The following HPSE2 variants were observed in gnomAD, a reference collection of about 807,000 sequenced individuals.
HPSE2 encodes inactive heparanase-2.
Under a neutral mutation model 60.5 loss-of-function variants are expected in HPSE2, and 38 were observed. That is an observed-to-expected ratio of 0.63 (90% confidence interval 0.48 to 0.82). HPSE2 has a LOEUF of 0.82. Ranked by LOEUF, HPSE2 falls within the 40% of genes least tolerant of loss-of-function variation. The pLI, the probability that HPSE2 is intolerant of heterozygous loss-of-function variation, is 0.00. For missense variants in HPSE2, 713 were observed against 740.4 expected (o/e 0.96, Z 0.43); for synonymous variants, 295 against 293.2 (o/e 1.01, Z -0.06).
intron 9 of HPSE2, among the ~76,000 whole-genome samples, chr10:98,529,385 T>C (rs1943067046): frequency 6.6e-6 from 1 of 152,238 alleles, no homozygotes; most frequent in Non-Finnish European, 1.5e-5. Flanking sequence ...CCAGTCATTC[T>C]ATTTCTAGGT....
the HPSE2 span, among the ~76,000 whole-genome samples, chr10:99,299,613 A>G: frequency 6.6e-6 from 1 of 152,168 alleles, no homozygotes; most frequent in African/African-American, 2.4e-5. Flanking sequence ...AGGCCATGCC[A>G]TGTATCGTGT....
the HPSE2 span, among the ~76,000 whole-genome samples, chr10:99,311,705 A>C: frequency 6.6e-6 from 1 of 152,224 alleles, no homozygotes; most frequent in Admixed American, 6.5e-5. Context: ...ACGGCCTCTA[A>C]GTGTTCAAAT....
At chr10:99,196,697 A>G (rs1848411043) in intron 2 of HPSE2, among the ~76,000 whole-genome samples, 1 of 152,196 alleles carries the variant, frequency 6.6e-6, no homozygotes, top group East Asian at 1.9e-4. Flanking sequence ...GCTTACATCC[A>G]AAAGACAGGC....
intron 3 of HPSE2, among the ~76,000 whole-genome samples, chr10:99,008,244 A>G (rs1956935076): frequency 6.6e-6 from 1 of 152,246 alleles, no homozygotes; most frequent in African/African-American, 2.4e-5. Flanking sequence ...TCTGTGCCCC[A>G]GCATGAGTCA....
At chr10:99,076,264 T>G (rs1842948441) in intron 3 of HPSE2, among the ~76,000 whole-genome samples, 1 of 152,190 alleles carries the variant, frequency 6.6e-6, no homozygotes, top group Non-Finnish European at 1.5e-5. Context: ...ATCTTATAGT[T>G]ACAATAATCT....
chr10:99,302,526 G>A, the HPSE2 span, among the ~76,000 whole-genome samples: 6 of 152,082 alleles, frequency 3.9e-5, no homozygotes, highest in African/African-American at 1.4e-4. Context: ...ACTAATGCCA[G>A]GTACTCCACC....
At chr10:99,178,297 G>A (rs1050417600) in intron 2 of HPSE2, among the ~76,000 whole-genome samples, 43 of 151,360 alleles carry the variant, frequency 2.8e-4, no homozygotes, top group Non-Finnish European at 3.2e-4. Context: ...ATAGAGACAC[G>A]AAAAATGCTT....
intron 6 of HPSE2, among the ~76,000 whole-genome samples, chr10:98,683,548 G>T (rs1321182658): frequency 6.6e-6 from 1 of 151,698 alleles, no homozygotes; most frequent in Non-Finnish European, 1.5e-5. Flanking sequence ...GACATTTTGA[G>T]GAATAAAAAA....
intron 3 of HPSE2, among the ~76,000 whole-genome samples, chr10:99,037,134 G>A (rs995255465): frequency 2.0e-5 from 3 of 152,050 alleles, no homozygotes; most frequent in Admixed American, 1.3e-4. Context: ...ATTGAGGGAC[G>A]TTCCTTGGCT....
At chr10:99,200,170 A>AT (rs1848528334) in intron 2 of HPSE2, among the ~76,000 whole-genome samples, 1 of 151,678 alleles carries the variant, frequency 6.6e-6, no homozygotes, top group Admixed American at 6.6e-5. Flanking sequence ...AAAATGGTAA[A>AT]TTTTATATTA....
At chr10:99,053,705 CAG>C (rs1483248367) in intron 3 of HPSE2, among the ~76,000 whole-genome samples, 4 of 135,324 alleles carry the variant, frequency 3.0e-5, no homozygotes, top group Admixed American at 7.8e-5. Flanking sequence ...GAATTAAGTA[CAG>C]AGAGTTACAG....
intron 9 of HPSE2, among the ~76,000 whole-genome samples, chr10:98,576,910 A>C (rs1705092420): frequency 6.6e-6 from 1 of 152,086 alleles, no homozygotes; most frequent in Admixed American, 6.6e-5. Context: ...AAAAAATGCC[A>C]AAAAGCTTAT....
intron 3 of HPSE2, among the ~76,000 whole-genome samples, chr10:98,889,599 A>T (rs1953275541): frequency 6.6e-6 from 1 of 152,220 alleles, no homozygotes; most frequent in Admixed American, 6.5e-5. Context: ...AAAAGCATAT[A>T]GAAGGAAAAT....
At chr10:99,123,847 T>C (rs1304607854) in intron 3 of HPSE2, among the ~76,000 whole-genome samples, 1 of 152,102 alleles carries the variant, frequency 6.6e-6, no homozygotes, top group African/African-American at 2.4e-5. Context: ...AGACCTTCAG[T>C]GGGTAGCTCA....
At chr10:98,873,308 C>T (rs975099277) in intron 3 of HPSE2, among the ~76,000 whole-genome samples, 8 of 151,914 alleles carry the variant, frequency 5.3e-5, no homozygotes, top group African/African-American at 1.7e-4. Context: ...ATACACGTGC[C>T]ATGGTGGTTT....
At position 98,816,269 on chromosome 10, in the gene HPSE2, T is replaced by C. The variant is rs191552595; in HGVS notation, c.611-72213A>G. On this transcript the variant is annotated intron_variant, in intron 3 of 11. Coordinates refer to ENST00000370552, the MANE Select transcript of HPSE2 (RefSeq NM_021828.5). ...AGGTTTTTGTTTGTTTTTTGTTTTT[T>C]TGTTTGTTTTTTGTTTTTTTACAGT... Among the ~76,000 whole-genome samples, 172 of 152,286 alleles carry C rather than the reference T, an allele frequency of 1.1e-3. 3 individuals are homozygous for C. Among genetic ancestry groups the C allele is most frequent in the African/African-American group, 3.8e-3 (160 of 41,564 alleles).
At chr10:98,614,538 C>G (rs571512447) in intron 9 of HPSE2, among the ~76,000 whole-genome samples, 1 of 152,086 alleles carries the variant, frequency 6.6e-6, no homozygotes, top group African/African-American at 2.4e-5. Flanking sequence ...GTGATCCACC[C>G]GCCTTGGCCT....
At chr10:98,740,115 T>TA (rs1356055165) in intron 4 of HPSE2, among the ~76,000 whole-genome samples, 1 of 152,078 alleles carries the variant, frequency 6.6e-6, no homozygotes, top group Non-Finnish European at 1.5e-5. Flanking sequence ...AAAGTAATTG[T>TA]AAAAAAGTAT....
At chr10:98,855,324 T>C (rs1479084601) in intron 3 of HPSE2, among the ~76,000 whole-genome samples, 5 of 151,826 alleles carry the variant, frequency 3.3e-5, no homozygotes, top group Non-Finnish European at 7.4e-5. Context: ...TGATTGGGTG[T>C]GTGGGGATTG....
Sources: gnomAD v4.1 joint callset for allele counts (sites outside exome capture counted in the v4.1 genomes callset) on GRCh38, gnomAD v4.1.1 for gene constraint, MANE v1.5 for transcripts, NCBI Gene and HGNC (gene_info 2026-07-23, HGNC 2026-07-21) for gene names.